Variants in KLHL28 observed in about 807,000 individuals in gnomAD.
KLHL28 encodes kelch like family member 28.
In KLHL28, 22 loss-of-function variants were observed where a neutral mutation model predicts 48.3. That is an observed-to-expected ratio of 0.46 (90% confidence interval 0.33 to 0.65). KLHL28 has a LOEUF of 0.65. KLHL28 is among the 30% of genes least tolerant of loss of function. KLHL28 has a pLI of 0.03. For missense variants in KLHL28, 527 were observed against 704.3 expected (o/e 0.75, Z 2.85); for synonymous variants, 243 against 242.4 (o/e 1.00, Z -0.02).
intron 2 of KLHL28, among the ~76,000 whole-genome samples, chr14:44,941,612 C>T (rs1318008509): frequency 1.5e-4 from 21 of 135,942 alleles, no homozygotes; most frequent in Admixed American, 1.5e-3. Context: ...TGGGCAACAA[C>T]AGCGAAACTC....
chr14:44,955,131 A>G (rs1884739044), intron 1 of KLHL28, among the ~76,000 whole-genome samples: 1 of 152,056 alleles, frequency 6.6e-6, no homozygotes, highest in Admixed American at 6.6e-5. Context: ...AGGTAACGAC[A>G]TAACACTAAG....
intron 1 of KLHL28, chr14:44,961,133 A>C (rs1487203865): frequency 6.2e-5 from 26 of 421,756 alleles, no homozygotes; most frequent in Middle Eastern, 6.0e-4. Flanking sequence ...CGCCTAAAAT[A>C]AATAAATGTC....
At chr14:44,959,680 C>G (rs574345780) in intron 1 of KLHL28, among the ~76,000 whole-genome samples, 27 of 152,098 alleles carry the variant, frequency 1.8e-4, no homozygotes, top group Non-Finnish European at 3.8e-4. Flanking sequence ...CTATAATTCA[C>G]TAATTTAACT....
intron 2 of KLHL28, among the ~76,000 whole-genome samples, chr14:44,940,397 T>A (rs941691360): frequency 2.6e-5 from 4 of 152,232 alleles, no homozygotes; most frequent in Non-Finnish European, 4.4e-5. Flanking sequence ...TGGTTTATAG[T>A]GTTGAGATGA....
At chr14:44,961,521 G>GTA (rs1885098260) in intron 1 of KLHL28, 1 of 152,084 alleles carries the variant, frequency 6.6e-6, no homozygotes, top group Admixed American at 6.6e-5. Flanking sequence ...TGCGGCCGGA[G>GTA]GGTTAAGAGA....
rs1407082086 is a variant in KLHL28, at chr14:44,934,573, G to GA, written c.900-16dup. The GA allele has an allele frequency of 2.6e-6, 4 of 1,515,748 alleles. No individual in the cohort carries two copies. Among genetic ancestry groups the GA allele is most frequent in the African/African-American group, 1.4e-5 (1 of 71,298 alleles). 93.9% of individuals were successfully genotyped at this position (1,515,748 alleles called of 1,614,324 possible). ...ACATCTCCACACTAAAGAATAAGCA[G>GA]AAAAAATATAAAATTTAAAAACCAA... is the stretch of plus-strand genomic sequence containing the variant. On this transcript the variant is annotated splice_polypyrimidine_tract_variant and intron_variant, in intron 2 of 4. Transcript: ENST00000396128.
chr14:44,946,551 CTTTT>C (rs397853423), intron 1 of KLHL28, among the ~76,000 whole-genome samples: 6,673 of 122,420 alleles, frequency 0.055, 431 homozygotes, highest in African/African-American at 0.16. Flanking sequence ...CCACTCAACT[CTTTT>C]TTTTTTTTTT....
intron 1 of KLHL28, among the ~76,000 whole-genome samples, chr14:44,953,959 A>T (rs1345300725): frequency 6.6e-6 from 1 of 152,232 alleles, no homozygotes; most frequent in Non-Finnish European, 1.5e-5. Context: ...AATATATATC[A>T]GTAATACATA....
rs1324808296 is a variant in KLHL28, at chr14:44,928,558, G to T, written c.*470C>A. On this transcript the variant is annotated 3_prime_UTR_variant, in exon 5 of 5. Coordinates refer to ENST00000396128, the MANE Select transcript of KLHL28 (RefSeq NM_017658.5). ...GCCCTTTGTTTGTTTTAAAACAAAT[G>T]AAAAATGTGAAGCATTTACATCCAA... 1 of 151,822 alleles carries T rather than the reference G, an allele frequency of 6.6e-6. No individual in the cohort carries two copies. Among genetic ancestry groups the T allele is most frequent in the Admixed American group, 6.6e-5 (1 of 15,226 alleles). The allele number at this position is 151,822 out of a possible 1,614,324, so 9.4% of individuals were successfully genotyped here.
chr14:44,933,303 T>C (rs1321384778), intron 3 of KLHL28, among the ~76,000 whole-genome samples: 1 of 149,770 alleles, frequency 6.7e-6, no homozygotes, highest in Non-Finnish European at 1.5e-5. Context: ...ATCTTTTCTT[T>C]TCTTTCTTTC....
intron 1 of KLHL28, among the ~76,000 whole-genome samples, chr14:44,961,355 G>A (rs139529784): frequency 1.3e-5 from 2 of 152,084 alleles, no homozygotes; most frequent in African/African-American, 4.8e-5. Flanking sequence ...TAGAAGGAAA[G>A]ATTTTGATAA....
chr14:44,946,418 T>G (rs1294012562), intron 1 of KLHL28, among the ~76,000 whole-genome samples: 2 of 152,168 alleles, frequency 1.3e-5, no homozygotes, highest in African/African-American at 4.8e-5. Context: ...AATAATTGCT[T>G]TGACAGAGGG....
chr14:44,948,453 G>A (rs1468231622), intron 1 of KLHL28, among the ~76,000 whole-genome samples: 3 of 152,052 alleles, frequency 2.0e-5, no homozygotes, highest in Admixed American at 1.3e-4. Context: ...TTATTAGGTG[G>A]AATAATAGGT....
intron 2 of KLHL28, among the ~76,000 whole-genome samples, chr14:44,940,388 GGTTTATAGT>G (rs1398794740): frequency 6.6e-6 from 1 of 152,122 alleles, no homozygotes; most frequent in African/African-American, 2.4e-5. Flanking sequence ...TTAGACCTGT[GGTTTATAGT>G]GTTGAGATGA....
intron 3 of KLHL28, among the ~76,000 whole-genome samples, 189 bp from the exon 4 acceptor site, chr14:44,931,730 G>C (rs1353650047): frequency 6.6e-6 from 1 of 152,168 alleles, no homozygotes; most frequent in South Asian, 2.1e-4. Context: ...TGTAAACAAG[G>C]TGCAATTCCA....
chr14:44,945,383 A>T lies in KLHL28; in HGVS notation c.546T>A (p.Asp182Glu). The change falls in exon 2 of 5, where the codon GAT (aspartate) becomes GAA (glutamate). Residue 182 changes from aspartate (D) to glutamate (E), a missense_variant. Physicochemically the swap from Asp to Glu is conservative, Grantham distance 45. Coordinates refer to ENST00000396128, the MANE Select transcript of KLHL28 (RefSeq NM_017658.5). ...EFFELTHADLDEIVSNDCLNV... is the reference protein window; with the variant it reads ...EFFELTHADLEEIVSNDCLNV... The stretch of plus-strand genomic sequence containing the variant: ...TCAAACAGTCATTGGAAACAATTTC[A>T]TCCAAGTCAGCATGTGTAAGCTCAA... 4 of 1,614,216 alleles carry T rather than the reference A, an allele frequency of 2.5e-6. No homozygotes were observed. The highest frequency in any genetic ancestry group is 3.4e-6 in the Non-Finnish European group (4 of 1,180,038).
chr14:44,943,202 T>C (rs2138622730), intron 2 of KLHL28, among the ~76,000 whole-genome samples: 1 of 152,356 alleles, frequency 6.6e-6, no homozygotes, highest in East Asian at 1.9e-4. Flanking sequence ...TATAAATACA[T>C]ATTCGAAAAT....
At chr14:44,957,312 A>G (rs1187511257) in intron 1 of KLHL28, among the ~76,000 whole-genome samples, 1 of 149,122 alleles carries the variant, frequency 6.7e-6, no homozygotes, top group African/African-American at 2.5e-5. Context: ...ACAGTAAGAG[A>G]CTTTTTTCTT....
chr14:44,939,388 G>T (rs1485133082), intron 2 of KLHL28, among the ~76,000 whole-genome samples: 3 of 152,092 alleles, frequency 2.0e-5, no homozygotes, highest in African/African-American at 7.2e-5. Flanking sequence ...ACACATCCTT[G>T]GTTTACTTTC....
Sources: gnomAD v4.1 joint callset for allele counts (sites outside exome capture counted in the v4.1 genomes callset) on GRCh38, gnomAD v4.1.1 for gene constraint, MANE v1.5 for transcripts, NCBI Gene and HGNC (gene_info 2026-07-23, HGNC 2026-07-21) for gene names.